TCF7L1: variants seen among roughly 807,000 people sequenced by gnomAD.
The protein encoded by TCF7L1 is transcription factor 7-like 1.
TCF7L1 carries 18 observed loss-of-function variants against 63.7 expected under a neutral mutation model. The observed-to-expected ratio is 0.28, with a 90% CI of 0.20 to 0.42. TCF7L1 has a LOEUF of 0.42. TCF7L1 is among the 10% of genes least tolerant of loss of function. The pLI is 1.00. For synonymous variants in TCF7L1, 355 were observed against 340.9 expected (o/e 1.04, Z -0.46); for missense variants, 654 against 779.3 (o/e 0.84, Z 1.91).
intron 3 of TCF7L1, among the ~76,000 whole-genome samples, chr2:85,175,480 C>T (rs1269974408): frequency 1.3e-5 from 2 of 152,194 alleles, no homozygotes; most frequent in African/African-American, 2.4e-5. Flanking sequence ...AAGTGCTTCC[C>T]CTCCCTCCTG....
chr2:85,279,668 C>A (rs114306157), intron 3 of TCF7L1, among the ~76,000 whole-genome samples: 1 of 152,102 alleles, frequency 6.6e-6, no homozygotes, highest in African/African-American at 2.4e-5. Context: ...CTCCTCCCCC[C>A]GTCACTCATC....
At chr2:85,223,735 A>C (rs1679898074) in intron 3 of TCF7L1, among the ~76,000 whole-genome samples, 1 of 152,234 alleles carries the variant, frequency 6.6e-6, no homozygotes, top group Non-Finnish European at 1.5e-5. Context: ...GAACACCTTT[A>C]GTCCCTACAG....
At chr2:85,144,719 C>CTG (rs772295408) in intron 3 of TCF7L1, among the ~76,000 whole-genome samples, 10,884 of 140,400 alleles carry the variant, frequency 0.078, 435 homozygotes, top group Middle Eastern at 0.16. Flanking sequence ...CTCTCTCTCT[C>CTG]TGTGTGTGTG....
intron 3 of TCF7L1, among the ~76,000 whole-genome samples, chr2:85,220,280 T>C (rs1679812111): frequency 6.6e-6 from 1 of 151,872 alleles, no homozygotes. Context: ...GGTGGGGAGC[T>C]CTAGATTAAT....
At chr2:85,273,258 G>C (rs1681194950) in intron 3 of TCF7L1, among the ~76,000 whole-genome samples, 1 of 152,218 alleles carries the variant, frequency 6.6e-6, no homozygotes, top group Non-Finnish European at 1.5e-5. Context: ...TGCACAGGCT[G>C]TGCCAGCTGC....
intron 3 of TCF7L1, among the ~76,000 whole-genome samples, chr2:85,156,555 T>C (rs1678151106): frequency 6.6e-6 from 1 of 152,214 alleles, no homozygotes; most frequent in African/African-American, 2.4e-5. Flanking sequence ...TGTATGTATA[T>C]GCCAAATTAA....
At chr2:85,274,119 C>T (rs1681217569) in intron 3 of TCF7L1, among the ~76,000 whole-genome samples, 1 of 152,122 alleles carries the variant, frequency 6.6e-6, no homozygotes, top group African/African-American at 2.4e-5. Context: ...GAGGACTGGG[C>T]CTCCAAAGCC....
chr2:85,159,767 C>T (rs986639474), intron 3 of TCF7L1, among the ~76,000 whole-genome samples: 2 of 152,250 alleles, frequency 1.3e-5, no homozygotes, highest in African/African-American at 4.8e-5. Flanking sequence ...GTCCCTCTCA[C>T]AGCAGGCCTG....
intron 11 of TCF7L1, among the ~76,000 whole-genome samples, chr2:85,308,513 TCCCTCGCTTTCTCCTTCCG>T (rs1432267151): frequency 1.4e-4 from 15 of 106,482 alleles, no homozygotes; most frequent in African/African-American, 3.8e-4. Flanking sequence ...CCTTTCTTCT[TCCCTCGCTTTCTCCTTCCG>T]CCCTCCCTTT....
At chr2:85,214,282 G>C (rs555950340) in intron 3 of TCF7L1, among the ~76,000 whole-genome samples, 1 of 152,226 alleles carries the variant, frequency 6.6e-6, no homozygotes, top group African/African-American at 2.4e-5. Flanking sequence ...GGTGATGCTC[G>C]AAGACAAATG....
intron 3 of TCF7L1, among the ~76,000 whole-genome samples, chr2:85,258,604 G>A (rs1306949449): frequency 3.3e-5 from 5 of 152,176 alleles, no homozygotes; most frequent in Admixed American, 6.5e-5. Flanking sequence ...TTCTAAATTC[G>A]AGCCTGGCCT....
In TCF7L1 at chr2:85,134,275, G is replaced by T; in HGVS notation, c.314-48G>T. ...GCCTCGAGCCCCCTGCCGCGGCGCTGTCAGTCCCGGGGGCCTGGGCCTCAC... is the reference window on the plus strand; with the variant it reads ...GCCTCGAGCCCCCTGCCGCGGCGCTTTCAGTCCCGGGGGCCTGGGCCTCAC... On this transcript the variant is annotated intron_variant, in intron 2 of 11. Transcript: ENST00000282111. This position sits in a 1 kb window ranked among gnomAD's most constrained non-coding sequence, Gnocchi z 5.0. The T allele has an allele frequency of 6.6e-7, 1 of 1,526,212 alleles. No homozygotes were observed. The highest frequency in any genetic ancestry group is 8.8e-7 in the Non-Finnish European group (1 of 1,134,508). The allele number at this position is 1,526,212 out of a possible 1,614,324, so 94.5% of individuals were successfully genotyped here. A position where few individuals can be genotyped will look rare whatever the true frequency, so the allele number is the denominator to read the frequency against.
At chr2:85,289,221 AGTGTGTGT>A (rs10701623) in intron 4 of TCF7L1, among the ~76,000 whole-genome samples, 2 of 146,420 alleles carry the variant, frequency 1.4e-5, no homozygotes, top group Admixed American at 6.9e-5. Context: ...TTCAGTCTGG[AGTGTGTGT>A]GTGTGTGTGT....
At chr2:85,226,471 C>G (rs377697194) in intron 3 of TCF7L1, among the ~76,000 whole-genome samples, 6 of 152,278 alleles carry the variant, frequency 3.9e-5, no homozygotes, top group African/African-American at 1.4e-4. Flanking sequence ...GGATTTGAAT[C>G]TGGGCTAGCC....
chr2:85,288,346 G>C (rs1213277973), intron 4 of TCF7L1, among the ~76,000 whole-genome samples: 2 of 152,156 alleles, frequency 1.3e-5, no homozygotes, highest in Non-Finnish European at 2.9e-5. Flanking sequence ...GATCATTGTT[G>C]TAATTGCAAA....
intron 3 of TCF7L1, among the ~76,000 whole-genome samples, chr2:85,182,939 G>T (rs938827384): frequency 1.3e-5 from 2 of 152,200 alleles, no homozygotes; most frequent in African/African-American, 4.8e-5. Context: ...GTTCTCAGAG[G>T]ATGCCGATGC....
intron 3 of TCF7L1, among the ~76,000 whole-genome samples, chr2:85,270,094 T>G (rs1180397645): frequency 1.3e-5 from 2 of 152,200 alleles, no homozygotes; most frequent in Non-Finnish European, 2.9e-5. Context: ...AAGAGACCCT[T>G]GAAGCTCTGT....
chr2:85,304,793 C>T (rs1192416499), intron 7 of TCF7L1, among the ~76,000 whole-genome samples: 1 of 152,128 alleles, frequency 6.6e-6, no homozygotes, highest in Non-Finnish European at 1.5e-5. Context: ...GTCAAAATAT[C>T]CTAAGTCACG....
At chr2:85,165,427 C>A (rs1377296371) in intron 3 of TCF7L1, among the ~76,000 whole-genome samples, 1 of 152,220 alleles carries the variant, frequency 6.6e-6, no homozygotes, top group Non-Finnish European at 1.5e-5. Context: ...TGGTCCCTGT[C>A]CCTGGCCAGT....
Sources: allele counts gnomAD v4.1 joint callset (sites outside exome capture counted in the v4.1 genomes callset), GRCh38; gene constraint gnomAD v4.1.1; non-coding constraint Gnocchi (gnomAD v3.1); transcripts MANE v1.5; gene names NCBI Gene and HGNC (gene_info 2026-07-23, HGNC 2026-07-21).